The following ST7 variants were observed in gnomAD, a reference collection of about 807,000 sequenced individuals.
The protein encoded by ST7 is suppression of tumorigenicity 7, also known as suppressor of tumorigenicity 7 protein.
In ST7, 28 loss-of-function variants were observed where a neutral mutation model predicts 78.7. The observed-to-expected ratio is 0.36, with a 90% CI of 0.26 to 0.49. The LOEUF is 0.49. Among genes scored for constraint, ST7 ranks in the 20% least tolerant of loss-of-function variants. The probability of loss-of-function intolerance (pLI) is 0.99; values close to 1 mark genes in which losing one functional copy is unlikely to be tolerated. For missense variants in ST7, 418 were observed against 696.0 expected (o/e 0.60, Z 4.49); for synonymous variants, 247 against 249.6 (o/e 0.99, Z 0.10).
chr7:117,172,902 AC>A (rs1808104650), intron 10 of ST7, among the ~76,000 whole-genome samples: 6 of 152,216 alleles, frequency 3.9e-5, no homozygotes, highest in Non-Finnish European at 8.8e-5. Context: ...TCCATTTGTT[AC>A]AGAAATCATC....
At position 117,180,580 on chromosome 7, in the gene ST7, G is replaced by T. The variant is rs151296559; in HGVS notation, c.1079-8741G>T. Among the ~76,000 whole-genome samples, 605 of 152,208 alleles carry T rather than the reference G, an allele frequency of 4.0e-3. 5 individuals carry two copies. Among genetic ancestry groups the T allele is most frequent in the African/African-American group, 0.014 (580 of 41,530 alleles). ...AAAAAAATAAATAAATAAATAAAAG[G>T]AATATTAGGCACAGGTGTACCTTGA... On this transcript the variant is annotated intron_variant, in intron 10 of 15. Coordinates refer to ENST00000323984, the MANE Select transcript of ST7 (RefSeq NM_001369598.1).
At chr7:117,224,361 C>T (rs1235019305) in intron 15 of ST7, among the ~76,000 whole-genome samples, 1 of 152,070 alleles carries the variant, frequency 6.6e-6, no homozygotes, top group East Asian at 1.9e-4. Flanking sequence ...ATTTCTACAC[C>T]CATTATCACC....
chr7:117,122,001 A>G (rs1803415881), intron 3 of ST7, among the ~76,000 whole-genome samples: 1 of 152,070 alleles, frequency 6.6e-6, no homozygotes, highest in South Asian at 2.1e-4. Context: ...ATTATAATGC[A>G]ATTTTGTAAG....
intron 1 of ST7, among the ~76,000 whole-genome samples, chr7:117,010,328 C>T (rs1229005101): frequency 6.6e-6 from 1 of 152,162 alleles, no homozygotes; most frequent in East Asian, 1.9e-4. Flanking sequence ...GAGTAGAGCC[C>T]AGTAATGGGA....
intron 10 of ST7, among the ~76,000 whole-genome samples, chr7:117,178,240 A>T (rs1808485897): frequency 6.6e-6 from 1 of 152,212 alleles, no homozygotes; most frequent in Admixed American, 6.5e-5. Context: ...ATGTTGAAGT[A>T]CGAACTTTTA....
intron 1 of ST7, among the ~76,000 whole-genome samples, chr7:117,097,880 C>A (rs1167868336): frequency 1.9e-4 from 2 of 10,590 alleles, no homozygotes; most frequent in Non-Finnish European, 2.5e-4. Flanking sequence ...TGACATATCA[C>A]TATATATATA....
intron 1 of ST7, among the ~76,000 whole-genome samples, chr7:116,965,255 G>A (rs1187945686): frequency 2.6e-5 from 4 of 151,826 alleles, no homozygotes; most frequent in African/African-American, 9.7e-5. Flanking sequence ...CCGGAGAATG[G>A]CGTGAACCCG....
At chr7:117,017,899 G>A (rs978115092) in intron 1 of ST7, among the ~76,000 whole-genome samples, 1 of 152,104 alleles carries the variant, frequency 6.6e-6, no homozygotes, top group South Asian at 2.1e-4. Flanking sequence ...TGTGATTTGT[G>A]TCCGGTTTTC....
At chr7:117,008,589 G>C (rs1169567548) in intron 1 of ST7, among the ~76,000 whole-genome samples, 1 of 152,156 alleles carries the variant, frequency 6.6e-6, no homozygotes, top group African/African-American at 2.4e-5. Flanking sequence ...CTCAGAAATT[G>C]AGCATTTATC....
intron 9 of ST7, among the ~76,000 whole-genome samples, chr7:117,154,189 A>T (rs1167242221): frequency 6.6e-6 from 1 of 152,122 alleles, no homozygotes; most frequent in Non-Finnish European, 1.5e-5. Context: ...GCCCTTACAG[A>T]TAAGACCAGT....
chr7:116,995,697 T>C (rs1171388532), intron 1 of ST7, among the ~76,000 whole-genome samples: 1 of 152,186 alleles, frequency 6.6e-6, no homozygotes, highest in African/African-American at 2.4e-5. Flanking sequence ...TGTCCAGGAA[T>C]TGCAAACTCA....
At chr7:116,967,174 C>T in intron 1 of ST7, 1 of 253,730 alleles carries the variant, frequency 3.9e-6, no homozygotes, top group Non-Finnish European at 8.7e-6. Flanking sequence ...CTGGGTTTCT[C>T]AAGCAATGTT....
chr7:117,060,272 C>T (rs957030684), intron 1 of ST7, among the ~76,000 whole-genome samples: 47 of 152,168 alleles, frequency 3.1e-4, no homozygotes, highest in Middle Eastern at 6.8e-3. Context: ...GGCCTGAGAG[C>T]TACAGAATCA....
chr7:116,957,180 C>T (rs1047364903), intron 1 of ST7: 3 of 155,040 alleles, frequency 1.9e-5, no homozygotes, highest in Admixed American at 6.4e-5. Context: ...ACCTTCGTTG[C>T]ATTGAGCCAG....
intron 1 of ST7, among the ~76,000 whole-genome samples, chr7:116,970,075 C>T (rs1793337449): frequency 6.6e-6 from 1 of 151,772 alleles, no homozygotes; most frequent in Admixed American, 6.6e-5. Context: ...AACTTTGTCT[C>T]AAAAAACAAA....
At chr7:117,038,337 T>G (rs1797004262) in intron 1 of ST7, among the ~76,000 whole-genome samples, 1 of 152,222 alleles carries the variant, frequency 6.6e-6, no homozygotes, top group Non-Finnish European at 1.5e-5. Flanking sequence ...GTGAGAGCTA[T>G]TTTTTAGAAC....
intron 15 of ST7, among the ~76,000 whole-genome samples, chr7:117,227,624 T>G (rs1036845497): frequency 6.6e-6 from 1 of 152,230 alleles, no homozygotes; most frequent in African/African-American, 2.4e-5. Context: ...GTTGGGTGAA[T>G]GCAATCAGTA....
At chr7:117,228,454 G>A (rs1793585210) in intron 15 of ST7, among the ~76,000 whole-genome samples, 1 of 152,210 alleles carries the variant, frequency 6.6e-6, no homozygotes, top group Non-Finnish European at 1.5e-5. Flanking sequence ...GTAAAACACA[G>A]ATTGGAGAAG....
chr7:116,965,061 CG>C (rs1474161739), intron 1 of ST7, among the ~76,000 whole-genome samples: 1 of 152,070 alleles, frequency 6.6e-6, no homozygotes, highest in Non-Finnish European at 1.5e-5. Context: ...CATGGACGGC[CG>C]GGCGCGGTGG....
Sources: gnomAD v4.1 joint callset for allele counts (sites outside exome capture counted in the v4.1 genomes callset) on GRCh38, gnomAD v4.1.1 for gene constraint, MANE v1.5 for transcripts, NCBI Gene and HGNC (gene_info 2026-07-23, HGNC 2026-07-21) for gene names.